Variants in NDST3 observed in about 807,000 individuals in gnomAD.
NDST3 encodes N-deacetylase and N-sulfotransferase 3, also known as bifunctional heparan sulfate N-deacetylase/N-sulfotransferase 3.
A neutral mutation model predicts 96.1 loss-of-function variants in NDST3; 58 were observed. That is an observed-to-expected ratio of 0.60 (90% confidence interval 0.49 to 0.75). The LOEUF is 0.75. NDST3 is among the 30% of genes least tolerant of loss of function. The pLI, the probability that NDST3 is intolerant of heterozygous loss-of-function variation, is 0.00. For missense variants in NDST3, 788 were observed against 1,034.2 expected, an observed-to-expected ratio of 0.76 and a Z score of 3.27; for synonymous variants, 333 against 359.7, an observed-to-expected ratio of 0.93 and a Z score of 0.84.
intron 6 of NDST3, among the ~76,000 whole-genome samples, chr4:118,178,273 G>T (rs963992159): frequency 6.6e-6 from 1 of 151,908 alleles, no homozygotes; most frequent in East Asian, 1.9e-4. Context: ...TGTGACACAG[G>T]TCTCCAAAAC....
chr4:118,121,345 GT>G (rs1731550914), intron 4 of NDST3, among the ~76,000 whole-genome samples: 1 of 152,032 alleles, frequency 6.6e-6, no homozygotes, highest in African/African-American at 2.4e-5. Context: ...TTTAAAATCT[GT>G]TTTTCTAAAT....
chr4:118,246,907 C>T (rs1741349878), intron 12 of NDST3, among the ~76,000 whole-genome samples: 1 of 152,110 alleles, frequency 6.6e-6, no homozygotes, highest in Non-Finnish European at 1.5e-5. Context: ...CAGAGCCAAA[C>T]CATATCACAA....
intron 1 of NDST3, among the ~76,000 whole-genome samples, chr4:118,053,235 T>C (rs1395427272): frequency 6.6e-6 from 1 of 152,022 alleles, no homozygotes; most frequent in Non-Finnish European, 1.5e-5. Context: ...GTTATTTTAA[T>C]GAGAGCAATT....
chr4:118,196,534 G>C lies in NDST3; in HGVS notation c.1540-27957G>C, dbSNP rs192061653. 3.3e-5 allele frequency among the ~76,000 whole-genome samples: 5 copies of C among 152,088 alleles called. No individual in the cohort carries two copies. In the East Asian group the frequency reaches 9.7e-4, roughly 29 times the overall value. On this transcript the variant is annotated intron_variant, in intron 6 of 13. Coordinates refer to ENST00000296499, the MANE Select transcript of NDST3 (RefSeq NM_004784.3). ...AACTTCAATCATGTTACTTGTTATT[G>C]GTCTGTTCAAGTTTTGGATTTCTTC...
chr4:118,196,578 G>T (rs1737704293), intron 6 of NDST3, among the ~76,000 whole-genome samples: 1 of 152,200 alleles, frequency 6.6e-6, no homozygotes, highest in South Asian at 2.1e-4. Flanking sequence ...ATCTTGGTAG[G>T]TTGTATGCAT....
chr4:118,116,799 A>G (rs956973217), intron 4 of NDST3, among the ~76,000 whole-genome samples: 13 of 152,008 alleles, frequency 8.6e-5, no homozygotes, highest in African/African-American at 2.9e-4. Flanking sequence ...TGGAGCTTGC[A>G]GTGAGCTGAG....
intron 2 of NDST3, among the ~76,000 whole-genome samples, chr4:118,060,273 G>C (rs999694978): frequency 6.6e-6 from 1 of 151,938 alleles, no homozygotes; most frequent in African/African-American, 2.4e-5. Flanking sequence ...CACATATTTT[G>C]AAATTGTATT....
chr4:118,200,054 T>C (rs984300400), intron 6 of NDST3, among the ~76,000 whole-genome samples: 1 of 152,144 alleles, frequency 6.6e-6, no homozygotes, highest in Non-Finnish European at 1.5e-5. Flanking sequence ...GGCTACCAGC[T>C]ATGTTCATTC....
chr4:118,114,345 C>G (rs1730880883), intron 3 of NDST3, among the ~76,000 whole-genome samples: 1 of 152,140 alleles, frequency 6.6e-6, no homozygotes, highest in Non-Finnish European at 1.5e-5. Flanking sequence ...TAACTTCTTC[C>G]CAGACCTAAG....
intron 4 of NDST3, among the ~76,000 whole-genome samples, chr4:118,137,077 G>C (rs1026946981): frequency 1.3e-5 from 2 of 152,034 alleles, no homozygotes; most frequent in African/African-American, 4.8e-5. Flanking sequence ...ATATCAGTTG[G>C]CTGCATATTT....
chr4:118,058,870 C>A (rs1725672789), intron 2 of NDST3, among the ~76,000 whole-genome samples: 1 of 152,074 alleles, frequency 6.6e-6, no homozygotes, highest in Admixed American at 6.6e-5. Context: ...CCCATGTGAT[C>A]TTTTAGGCGC....
intron 6 of NDST3, among the ~76,000 whole-genome samples, chr4:118,174,138 T>C (rs1736130195): frequency 6.6e-6 from 1 of 152,238 alleles, no homozygotes; most frequent in Admixed American, 6.5e-5. Flanking sequence ...TTCTCTGCGG[T>C]CTTCCCATAT....
chr4:118,044,284 C>T (rs555733203), intron 1 of NDST3, among the ~76,000 whole-genome samples: 1 of 152,292 alleles, frequency 6.6e-6, no homozygotes, highest in South Asian at 2.1e-4. Flanking sequence ...TAAGAACGTA[C>T]ATAACTGTAA....
chr4:118,206,638 T>C (rs138508424), intron 6 of NDST3, among the ~76,000 whole-genome samples: 17 of 144,662 alleles, frequency 1.2e-4, no homozygotes, highest in Middle Eastern at 3.5e-3. Flanking sequence ...GACTTTTGTT[T>C]TAGGAGGATT....
At chr4:118,116,946 C>A (rs1166230468) in intron 4 of NDST3, among the ~76,000 whole-genome samples, 1 of 151,776 alleles carries the variant, frequency 6.6e-6, no homozygotes, top group South Asian at 2.1e-4. Flanking sequence ...GAATTCCCAA[C>A]TAAAAAGTAT....
intron 12 of NDST3, among the ~76,000 whole-genome samples, chr4:118,248,145 G>A (rs1189902634): frequency 6.6e-6 from 1 of 152,154 alleles, no homozygotes; most frequent in Non-Finnish European, 1.5e-5. Flanking sequence ...GAGGTCAGGA[G>A]TTCGAGACCA....
At chr4:118,060,847 G>A (rs927574112) in intron 2 of NDST3, among the ~76,000 whole-genome samples, 2 of 151,954 alleles carry the variant, frequency 1.3e-5, no homozygotes, top group African/African-American at 2.4e-5. Context: ...CTCCTTTGGC[G>A]GTTGGGTTAT....
intron 6 of NDST3, among the ~76,000 whole-genome samples, chr4:118,161,048 G>A (rs1469788245): frequency 6.6e-6 from 1 of 152,074 alleles, no homozygotes; most frequent in Admixed American, 6.6e-5. Context: ...ATGGGTTTTT[G>A]GTGTGGATGT....
At chr4:118,124,150 A>G (rs994720181) in intron 4 of NDST3, among the ~76,000 whole-genome samples, 3 of 152,092 alleles carry the variant, frequency 2.0e-5, no homozygotes, top group Admixed American at 1.3e-4. Context: ...CTCCCACTTT[A>G]TATGTAATAT....
Sources: gnomAD v4.1 joint callset for allele counts (sites outside exome capture counted in the v4.1 genomes callset) on GRCh38, gnomAD v4.1.1 for gene constraint, MANE v1.5 for transcripts, NCBI Gene and HGNC (gene_info 2026-07-23, HGNC 2026-07-21) for gene names.